The following NKAIN2 variants were observed in gnomAD, a reference collection of about 807,000 sequenced individuals.
The protein encoded by NKAIN2 is sodium/potassium transporting ATPase interacting 2.
Under a neutral mutation model 32.6 loss-of-function variants are expected in NKAIN2, and 14 were observed. The ratio of observed to expected loss-of-function variants is 0.43; its 90% CI spans 0.28 to 0.67. The LOEUF (loss-of-function observed/expected upper bound fraction) is 0.67. Ranked by LOEUF, NKAIN2 falls within the 30% of genes least tolerant of loss-of-function variation. The pLI is 0.17. For synonymous variants in NKAIN2, 80 were observed against 87.2 expected (o/e 0.92, Z 0.46); for missense variants, 198 against 258.3 (o/e 0.77, Z 1.60).
At chr6:124,316,464 G>T (rs112022219) in intron 2 of NKAIN2, among the ~76,000 whole-genome samples, 11 of 152,016 alleles carry the variant, frequency 7.2e-5, no homozygotes, top group Non-Finnish European at 1.6e-4. Flanking sequence ...TGATATAACC[G>T]CATTTCTCAT....
At chr6:124,732,112 T>C (rs1242815639) in intron 4 of NKAIN2, among the ~76,000 whole-genome samples, 1 of 151,980 alleles carries the variant, frequency 6.6e-6, no homozygotes, top group East Asian at 1.9e-4. Flanking sequence ...GAAAATTCCA[T>C]AGAACTTTAA....
At position 124,767,837 on chromosome 6, in the gene NKAIN2, C is replaced by T. The variant is rs192591432; in HGVS notation, c.475-23502C>T. ...TCCATTCATTTTTTACTTTTATTTT[C>T]GTCTGGTGCCTCCCACTAAAGTGCA... On this transcript the variant is annotated intron_variant, in intron 4 of 6. Coordinates refer to ENST00000368417, the MANE Select transcript of NKAIN2 (RefSeq NM_001040214.3). Among the ~76,000 whole-genome samples the T allele has an allele frequency of 1.3e-4, 20 of 152,210 alleles. No homozygotes were observed. The East Asian group carries it at 3.3e-3, about 25-fold the overall frequency.
intron 1 of NKAIN2, among the ~76,000 whole-genome samples, chr6:124,173,777 T>G (rs1487918084): frequency 6.6e-6 from 1 of 152,096 alleles, no homozygotes; most frequent in African/African-American, 2.4e-5. Context: ...TTGAAAGTTT[T>G]TTCAGGTTTG....
intron 2 of NKAIN2, among the ~76,000 whole-genome samples, chr6:124,342,598 C>T (rs551918674): frequency 1.3e-5 from 2 of 151,884 alleles, no homozygotes; most frequent in Non-Finnish European, 2.9e-5. Flanking sequence ...ACCTCCAACT[C>T]CAGGGTTCAA....
At chr6:124,002,286 A>G (rs1779911114) in intron 1 of NKAIN2, among the ~76,000 whole-genome samples, 1 of 152,138 alleles carries the variant, frequency 6.6e-6, no homozygotes, top group African/African-American at 2.4e-5. Flanking sequence ...GAGGGAAAAC[A>G]TTAAAAATGG....
chr6:124,711,236 C>T (rs1167028894), intron 4 of NKAIN2, among the ~76,000 whole-genome samples: 4 of 107,578 alleles, frequency 3.7e-5, no homozygotes, highest in African/African-American at 1.2e-4. Flanking sequence ...GAGGGTAACC[C>T]GACCTTTCTC....
At chr6:124,006,323 A>G (rs1321302168) in intron 1 of NKAIN2, among the ~76,000 whole-genome samples, 1 of 152,210 alleles carries the variant, frequency 6.6e-6, no homozygotes, top group African/African-American at 2.4e-5. Flanking sequence ...TGTGAGAGAT[A>G]AAATAGTTGA....
In NKAIN2 at chr6:124,825,498, C is replaced by A. The variant is rs1460090095; in HGVS notation, c.*2269C>A. 6.6e-6 allele frequency: 1 copy of A among 152,494 alleles called. No homozygotes were observed. Among genetic ancestry groups the A allele is most frequent in the Non-Finnish European group, 1.5e-5 (1 of 68,018 alleles). The allele number at this position is 152,494 out of a possible 1,614,324, so 9.4% of individuals were successfully genotyped here. A position where few individuals can be genotyped will look rare whatever the true frequency, so the allele number is the denominator to read the frequency against. On this transcript the variant is annotated 3_prime_UTR_variant, in exon 7 of 7. Transcript: ENST00000368417. Reference sequence around the variant, plus strand: ...TTCTAGGCTGAGCTTTTGTTATAAACTTAATATTCAGAAGGCAAGGGTTAT... The same window carrying A: ...TTCTAGGCTGAGCTTTTGTTATAAAATTAATATTCAGAAGGCAAGGGTTAT...
chr6:124,759,074 A>T (rs958204933), intron 4 of NKAIN2, among the ~76,000 whole-genome samples: 3 of 152,120 alleles, frequency 2.0e-5, no homozygotes, highest in African/African-American at 7.2e-5. Flanking sequence ...TGTACTTTGT[A>T]TCATGTTGAT....
At chr6:124,146,605 G>A (rs940576863) in intron 1 of NKAIN2, among the ~76,000 whole-genome samples, 8 of 152,086 alleles carry the variant, frequency 5.3e-5, no homozygotes, top group African/African-American at 1.9e-4. Context: ...GCTCATGATA[G>A]CAAATAAAAT....
At chr6:124,235,920 T>G (rs1171064017) in intron 1 of NKAIN2, among the ~76,000 whole-genome samples, 1 of 152,054 alleles carries the variant, frequency 6.6e-6, no homozygotes, top group African/African-American at 2.4e-5. Context: ...TTTTTCTATT[T>G]AATTTTTCAT....
intron 1 of NKAIN2, among the ~76,000 whole-genome samples, chr6:124,281,314 C>G (rs529166043): frequency 3.9e-5 from 6 of 152,302 alleles, no homozygotes; most frequent in Admixed American, 3.9e-4. Context: ...CTCAGAACAA[C>G]TACTTAGTTT....
chr6:124,694,396 G>A (rs1005167609), intron 4 of NKAIN2, among the ~76,000 whole-genome samples: 13 of 152,208 alleles, frequency 8.5e-5, no homozygotes, highest in Non-Finnish European at 1.8e-4. Flanking sequence ...AAATTGCATA[G>A]GCAGTGTTAT....
intron 1 of NKAIN2, among the ~76,000 whole-genome samples, chr6:124,148,519 T>C (rs1209115064): frequency 6.6e-6 from 1 of 152,180 alleles, no homozygotes; most frequent in Non-Finnish European, 1.5e-5. Context: ...CTTTAGTTTT[T>C]GTTTTTTGAC....
At chr6:124,215,026 A>G (rs535385239) in intron 1 of NKAIN2, among the ~76,000 whole-genome samples, 1 of 152,296 alleles carries the variant, frequency 6.6e-6, no homozygotes, top group East Asian at 1.9e-4. Context: ...AAACAAACTC[A>G]CAGAAAAGAG....
At chr6:124,337,486 A>G (rs1185200468) in intron 2 of NKAIN2, among the ~76,000 whole-genome samples, 1 of 152,202 alleles carries the variant, frequency 6.6e-6, no homozygotes, top group Non-Finnish European at 1.5e-5. Flanking sequence ...CAGCCTGGGT[A>G]AGGGAGTGAG....
chr6:124,097,112 T>C (rs1029368584), intron 1 of NKAIN2, among the ~76,000 whole-genome samples: 1 of 152,016 alleles, frequency 6.6e-6, no homozygotes, highest in African/African-American at 2.4e-5. Flanking sequence ...TCAGTAGAAT[T>C]AGTTTTTATT....
At chr6:124,468,279 G>A (rs1776840136) in intron 3 of NKAIN2, among the ~76,000 whole-genome samples, 1 of 152,086 alleles carries the variant, frequency 6.6e-6, no homozygotes, top group Non-Finnish European at 1.5e-5. Flanking sequence ...CAATCTCATA[G>A]CCCAGGTCCG....
At chr6:124,711,064 G>C (rs1050451991) in intron 4 of NKAIN2, among the ~76,000 whole-genome samples, 12 of 145,798 alleles carry the variant, frequency 8.2e-5, no homozygotes, top group African/African-American at 3.1e-4. Flanking sequence ...TGTCTGTAAA[G>C]TATTTTATTT....
Sources: gnomAD v4.1 joint callset for allele counts (sites outside exome capture counted in the v4.1 genomes callset) on GRCh38, gnomAD v4.1.1 for gene constraint, MANE v1.5 for transcripts, NCBI Gene and HGNC (gene_info 2026-07-23, HGNC 2026-07-21) for gene names.